Variants in LIMCH1 observed in about 807,000 individuals in gnomAD.
LIMCH1 encodes the protein LIM and calponin homology domains 1, also known as LIM and calponin homology domains-containing protein 1.
A neutral mutation model predicts 176.5 loss-of-function variants in LIMCH1; 113 were observed. The ratio of observed to expected loss-of-function variants is 0.64; its 90% CI spans 0.55 to 0.75. The LOEUF is 0.75. Ranked by LOEUF, LIMCH1 falls within the 30% of genes least tolerant of loss-of-function variation. The pLI, the probability that LIMCH1 is intolerant of heterozygous loss-of-function variation, is 0.00. For synonymous variants in LIMCH1, 619 were observed against 645.9 expected, an observed-to-expected ratio of 0.96 and a Z score of 0.63; for missense variants, 1,674 against 1,814.9, an observed-to-expected ratio of 0.92 and a Z score of 1.41.
At chr4:41,484,099 T>C (rs1561510201) in intron 1 of LIMCH1, among the ~76,000 whole-genome samples, 1 of 152,246 alleles carries the variant, frequency 6.6e-6, no homozygotes, top group East Asian at 1.9e-4. Flanking sequence ...AGAGGGCATA[T>C]TGTAGTTGTG....
intron 2 of LIMCH1, among the ~76,000 whole-genome samples, chr4:41,512,254 G>A (rs533494758): frequency 1.6e-4 from 25 of 152,310 alleles, no homozygotes; most frequent in African/African-American, 5.5e-4. Context: ...AAGACAGTAA[G>A]AAGTGTGGCA....
intron 2 of LIMCH1, among the ~76,000 whole-genome samples, chr4:41,512,041 G>A (rs2074991244): frequency 1.3e-5 from 2 of 152,180 alleles, no homozygotes; most frequent in South Asian, 4.1e-4. Flanking sequence ...TATATAAAGA[G>A]CTCTTATAAC....
intron 1 of LIMCH1, among the ~76,000 whole-genome samples, chr4:41,397,735 A>T (rs1416199658): frequency 6.6e-6 from 1 of 152,134 alleles, no homozygotes; most frequent in Non-Finnish European, 1.5e-5. Context: ...CATATTTGTA[A>T]TTGAATGTGC....
At chr4:41,693,273 G>A (rs1727764139) in intron 31 of LIMCH1, 1 of 152,194 alleles carries the variant, frequency 6.6e-6, no homozygotes, top group African/African-American at 2.4e-5. Flanking sequence ...TCAAAGTGAA[G>A]TCACGTTTTT....
At position 41,582,838 on chromosome 4, in the gene LIMCH1, G is replaced by A. The variant is rs2085750431; in HGVS notation, c.-240-16082G>A. On this transcript the variant is annotated intron_variant, in intron 1 of 31. Coordinates refer to ENST00000503057, the MANE Select transcript of LIMCH1 (RefSeq NM_001330672.2). ...ATCTTCAGCAGTATTTTTATAAGTT[G>A]GAGGGAAAGACTATGTATGGCTTTT... Among the ~76,000 whole-genome samples, 3 of 152,074 alleles carry A rather than the reference G, an allele frequency of 2.0e-5. No individual in the cohort carries two copies. In the South Asian group the frequency reaches 6.2e-4, roughly 32 times the overall value.
intron 4 of LIMCH1, chr4:41,612,845 G>C: frequency 8.2e-7 from 1 of 1,223,538 alleles, no homozygotes; most frequent in Non-Finnish European, 1.1e-6. Flanking sequence ...ATTTTTCATT[G>C]CCTTTCTTTT....
At chr4:41,538,903 G>A (rs2078270176) in intron 1 of LIMCH1, among the ~76,000 whole-genome samples, 1 of 152,164 alleles carries the variant, frequency 6.6e-6, no homozygotes, top group African/African-American at 2.4e-5. Flanking sequence ...GGGAAGGGCT[G>A]CATCTCCAGC....
chr4:41,393,627 C>T (rs1220169404), intron 1 of LIMCH1, among the ~76,000 whole-genome samples: 2 of 152,152 alleles, frequency 1.3e-5, no homozygotes, highest in African/African-American at 2.4e-5. Flanking sequence ...AGAGTTTCTT[C>T]TACAGAATAG....
intron 1 of LIMCH1, among the ~76,000 whole-genome samples, chr4:41,492,092 C>T (rs2154174156): frequency 6.6e-6 from 1 of 152,324 alleles, no homozygotes. Flanking sequence ...GATCACGCCA[C>T]TGCACTCCAG....
chr4:41,608,476 T>A (rs1035762343), intron 4 of LIMCH1, among the ~76,000 whole-genome samples: 2 of 152,194 alleles, frequency 1.3e-5, no homozygotes, highest in Non-Finnish European at 2.9e-5. Context: ...TGAAATAAAT[T>A]TGAAATTAGT....
chr4:41,482,417 A>C (rs1279056393), intron 1 of LIMCH1, among the ~76,000 whole-genome samples: 3 of 152,180 alleles, frequency 2.0e-5, no homozygotes, highest in African/African-American at 7.2e-5. Flanking sequence ...GAAGTCCCTA[A>C]GGCTGTGGAG....
At position 41,646,834 on chromosome 4, in the gene LIMCH1, C is replaced by T. The variant is rs971498658; in HGVS notation, c.2761C>T (p.Leu921=). The change falls in exon 17 of 32, where the codon CTG becomes TTG. Residue 921 remains leucine (L), a synonymous_variant. Transcript: ENST00000503057. ...KTVTPKAVPM[L]TPKPYSQPKN... ...TGTCACTCCCAAAGCAGTGCCTATG[C>T]TGACACCCAAGCCTTACTCCCAGCC... The T allele has an allele frequency of 1.2e-6, 2 of 1,614,078 alleles. No homozygotes were observed. Among genetic ancestry groups the T allele is most frequent in the African/African-American group, 2.7e-5 (2 of 74,924 alleles).
chr4:41,490,605 T>C (rs532744138), intron 1 of LIMCH1, among the ~76,000 whole-genome samples: 7 of 152,334 alleles, frequency 4.6e-5, no homozygotes, highest in African/African-American at 7.2e-5. Context: ...GGTAAGGTTA[T>C]AGATTAACAG....
chr4:41,477,407 C>G (rs1049916906), intron 1 of LIMCH1, among the ~76,000 whole-genome samples: 4 of 152,160 alleles, frequency 2.6e-5, no homozygotes, highest in Admixed American at 6.5e-5. Flanking sequence ...GTGTTCCCCC[C>G]ACCATGACAA....
At chr4:41,411,257 A>T (rs1343722004) in intron 1 of LIMCH1, among the ~76,000 whole-genome samples, 1 of 152,222 alleles carries the variant, frequency 6.6e-6, no homozygotes, top group East Asian at 1.9e-4. Context: ...GAATTTGGAC[A>T]AAAACTTTTA....
At chr4:41,618,865 C>T (rs1332969747) in intron 5 of LIMCH1, among the ~76,000 whole-genome samples, 1 of 152,140 alleles carries the variant, frequency 6.6e-6, no homozygotes, top group Non-Finnish European at 1.5e-5. Flanking sequence ...TTTCTGTTTT[C>T]TTCTGAGAGT....
intron 1 of LIMCH1, among the ~76,000 whole-genome samples, chr4:41,484,668 TG>T (rs2069208381): frequency 6.6e-6 from 1 of 152,224 alleles, no homozygotes; most frequent in African/African-American, 2.4e-5. Flanking sequence ...TTCTGAAAAG[TG>T]TGCCTGCTTT....
At chr4:41,530,278 A>G (rs530279166) in intron 3 of LIMCH1, among the ~76,000 whole-genome samples, 14 of 152,214 alleles carry the variant, frequency 9.2e-5, no homozygotes, top group Non-Finnish European at 1.5e-4. Context: ...TCATCTTTTT[A>G]GGAGGATAAC....
rs182816458 is a variant in LIMCH1 at position 41,670,896 on chromosome 4, A to T, written c.3398-658A>T. The T allele has an allele frequency of 3.0e-3, 4,428 of 1,481,920 alleles. 11 individuals carry two copies. The highest frequency in any genetic ancestry group is 3.7e-3 in the Middle Eastern group (21 of 5,710). The allele number at this position is 1,481,920 out of a possible 1,614,324, so 91.8% of individuals were successfully genotyped here. A position where few individuals can be genotyped will look rare whatever the true frequency, so the allele number is the denominator to read the frequency against. On this transcript the variant is annotated intron_variant, in intron 21 of 31. Transcript: ENST00000503057. ...CTTCATTTCTGATTTCTGGGGAAAA[A>T]ATTATTTCTTATGCACAGTTAGCAA...
Sources: gnomAD v4.1 joint callset for allele counts (sites outside exome capture counted in the v4.1 genomes callset) on GRCh38, gnomAD v4.1.1 for gene constraint, MANE v1.5 for transcripts, NCBI Gene and HGNC (gene_info 2026-07-23, HGNC 2026-07-21) for gene names.